The following PARD3B variants were observed in gnomAD, a reference collection of about 807,000 sequenced individuals.
PARD3B encodes par-3 family cell polarity regulator beta, also known as partitioning defective 3 homolog B.
PARD3B carries 103 observed loss-of-function variants against 130.2 expected under a neutral mutation model. That is an observed-to-expected ratio of 0.79 (90% CI 0.67 to 0.93). The LOEUF is 0.93. Ranked by LOEUF, PARD3B falls within the 40% of genes least tolerant of loss-of-function variation. The probability of loss-of-function intolerance (pLI) is 0.00; values close to 1 mark genes in which losing one functional copy is unlikely to be tolerated. For synonymous variants in PARD3B, 583 were observed against 553.2 expected (o/e 1.05, Z -0.76); for missense variants, 1,609 against 1,499.2 (o/e 1.07, Z -1.21).
intron 11 of PARD3B, among the ~76,000 whole-genome samples, chr2:205,166,567 C>T (rs1483099025): frequency 6.6e-6 from 1 of 152,120 alleles, no homozygotes; most frequent in Non-Finnish European, 1.5e-5. Flanking sequence ...TTCATTCTTG[C>T]CCTTCCATTG....
chr2:205,484,461 A>G (rs1175881849), intron 20 of PARD3B, among the ~76,000 whole-genome samples: 1 of 152,218 alleles, frequency 6.6e-6, no homozygotes, highest in Non-Finnish European at 1.5e-5. Flanking sequence ...ACTCGTGTCA[A>G]TTAATTGGGG....
At chr2:205,363,416 A>T (rs2044471065) in intron 18 of PARD3B, among the ~76,000 whole-genome samples, 1 of 152,220 alleles carries the variant, frequency 6.6e-6, no homozygotes, top group Non-Finnish European at 1.5e-5. Context: ...CCAAATAAAG[A>T]GAGTAAGATA....
rs1348743057 is a variant in PARD3B at position 205,587,256 on chromosome 2, T to C, written c.3261-28200T>C. On this transcript the variant is annotated intron_variant, in intron 22 of 22. Coordinates refer to ENST00000406610, the MANE Select transcript of PARD3B (RefSeq NM_001302769.2). ...CTGGTCATGAGGCAAATTGTTTCCA[T>C]TTCTTCGTAAGCCACAATTATATTT... Among the ~76,000 whole-genome samples the C allele has an allele frequency of 5.3e-5, 8 of 152,352 alleles. No individual in the cohort carries two copies. The South Asian group carries it at 1.4e-3, about 28-fold the overall frequency.
At chr2:204,815,896 C>T (rs1439742946) in intron 2 of PARD3B, among the ~76,000 whole-genome samples, 1 of 152,010 alleles carries the variant, frequency 6.6e-6, no homozygotes, top group Non-Finnish European at 1.5e-5. Flanking sequence ...TGAATGCTTT[C>T]AGTCTGTTGA....
At chr2:205,079,459 T>C (rs1334071712) in intron 4 of PARD3B, among the ~76,000 whole-genome samples, 1 of 152,130 alleles carries the variant, frequency 6.6e-6, no homozygotes, top group African/African-American at 2.4e-5. Flanking sequence ...TATCCTTACA[T>C]GACAGAAGGC....
At chr2:204,957,861 A>G (rs1043783957) in intron 2 of PARD3B, among the ~76,000 whole-genome samples, 2 of 152,152 alleles carry the variant, frequency 1.3e-5, no homozygotes, top group East Asian at 1.9e-4. Flanking sequence ...AATTGTGTTT[A>G]TTAAGATTTG....
At chr2:204,776,711 T>C (rs1223276135) in intron 2 of PARD3B, among the ~76,000 whole-genome samples, 1 of 151,950 alleles carries the variant, frequency 6.6e-6, no homozygotes, top group Admixed American at 6.6e-5. Context: ...ACTATTTGCC[T>C]GGGGTCTGGT....
chr2:205,341,190 A>G lies in PARD3B; in HGVS notation c.2630+39489A>G, dbSNP rs2043515315. ...ATTATGGGAAACAGTATAGTGGTTTAAAATCTATATTAAAATTAGGACTGC... is the reference window on the plus strand; with the variant it reads ...ATTATGGGAAACAGTATAGTGGTTTGAAATCTATATTAAAATTAGGACTGC... On this transcript the variant is annotated intron_variant, in intron 18 of 22. Coordinates refer to ENST00000406610, the MANE Select transcript of PARD3B (RefSeq NM_001302769.2). This position sits in a 1 kb window ranked among gnomAD's most constrained non-coding sequence, Gnocchi z 4.3. Among the ~76,000 whole-genome samples the G allele has an allele frequency of 6.6e-6, 1 of 152,122 alleles. No individual in the cohort carries two copies. Among genetic ancestry groups the G allele is most frequent in the Non-Finnish European group, 1.5e-5 (1 of 67,978 alleles).
Position 205,078,871 on chromosome 2 carries a change from A to G in PARD3B, c.505-25555A>G, listed in dbSNP as rs1701228577. 6.6e-6 allele frequency among the ~76,000 whole-genome samples: 1 copy of G among 152,190 alleles called. No homozygotes were observed. Among genetic ancestry groups the G allele is most frequent in the Non-Finnish European group, 1.5e-5 (1 of 68,032 alleles). ...TTTGCTAGAAAGGCCATGTGTAGGCAATCTAGTTGGCAGCCATGGCAGATC... is the reference window on the plus strand; with the variant it reads ...TTTGCTAGAAAGGCCATGTGTAGGCGATCTAGTTGGCAGCCATGGCAGATC... On this transcript the variant is annotated intron_variant, in intron 4 of 22. Coordinates refer to ENST00000406610, the MANE Select transcript of PARD3B (RefSeq NM_001302769.2). This position sits in a 1 kb window ranked among gnomAD's most constrained non-coding sequence, Gnocchi z 4.0.
At chr2:204,976,584 C>G (rs562732836) in intron 3 of PARD3B, among the ~76,000 whole-genome samples, 1 of 150,232 alleles carries the variant, frequency 6.7e-6, no homozygotes, top group South Asian at 2.1e-4. Flanking sequence ...TAAAAAAACT[C>G]CATGTATTTA....
At chr2:205,521,660 T>C (rs1329422646) in intron 21 of PARD3B, among the ~76,000 whole-genome samples, 1 of 152,162 alleles carries the variant, frequency 6.6e-6, no homozygotes, top group Non-Finnish European at 1.5e-5. Context: ...CTGTCTGTTT[T>C]GTCCTTTAGA....
At chr2:204,834,620 A>G (rs962124442) in intron 2 of PARD3B, among the ~76,000 whole-genome samples, 3 of 152,196 alleles carry the variant, frequency 2.0e-5, no homozygotes, top group African/African-American at 4.8e-5. Context: ...TCACTAGGAG[A>G]TCAAAACAGT....
chr2:205,089,297 A>G (rs1019151420), intron 4 of PARD3B, among the ~76,000 whole-genome samples: 2 of 151,688 alleles, frequency 1.3e-5, no homozygotes, highest in Non-Finnish European at 2.9e-5. Context: ...CAGCCTCCTG[A>G]GTAGCTGGGA....
intron 2 of PARD3B, among the ~76,000 whole-genome samples, chr2:204,746,160 T>A (rs1559110741): frequency 8.4e-6 from 1 of 118,952 alleles, no homozygotes; most frequent in Non-Finnish European, 1.6e-5. Flanking sequence ...GGCCCCAGTG[T>A]GTGATGTTCC....
chr2:205,031,253 C>T (rs937487444), intron 3 of PARD3B, among the ~76,000 whole-genome samples: 10 of 152,192 alleles, frequency 6.6e-5, no homozygotes, highest in African/African-American at 2.2e-4. Flanking sequence ...TCTGTGTGTG[C>T]GTTTTCCAAT....
intron 18 of PARD3B, among the ~76,000 whole-genome samples, chr2:205,344,187 A>C (rs1034093053): frequency 1.2e-5 from 1 of 82,656 alleles, no homozygotes; most frequent in South Asian, 6.0e-4. Context: ...GAAATGTGTC[A>C]GTTGGTTTGT....
Position 205,591,148 on chromosome 2 carries a change from C to A in PARD3B, c.3261-24308C>A, listed in dbSNP as rs1197848642. Among the ~76,000 whole-genome samples, 1 of 151,916 alleles carries A rather than the reference C, an allele frequency of 6.6e-6. No homozygotes were observed. Among genetic ancestry groups the A allele is most frequent in the Non-Finnish European group, 1.5e-5 (1 of 67,998 alleles). On this transcript the variant is annotated intron_variant, in intron 22 of 22. Coordinates refer to ENST00000406610, the MANE Select transcript of PARD3B (RefSeq NM_001302769.2). The surrounding 1 kb of genome is among the most constrained non-coding windows in gnomAD (Gnocchi z 4.2). ...TCAGAGAGGTGACATCAATGTAGACCCACCAAGGAGTAGCAGTTAGACATC... is the reference window on the plus strand; with the variant it reads ...TCAGAGAGGTGACATCAATGTAGACACACCAAGGAGTAGCAGTTAGACATC...
At chr2:205,134,184 G>T (rs2032266994) in intron 10 of PARD3B, among the ~76,000 whole-genome samples, 1 of 152,120 alleles carries the variant, frequency 6.6e-6, no homozygotes, top group African/African-American at 2.4e-5. Context: ...AAAGATGAAA[G>T]TGAGGTACAG....
intron 1 of PARD3B, among the ~76,000 whole-genome samples, chr2:204,575,915 G>A (rs1376272783): frequency 2.6e-5 from 4 of 152,122 alleles, no homozygotes; most frequent in African/African-American, 7.2e-5. Context: ...TTGCTCAGGC[G>A]GTTCTTGCCC....
Sources: allele counts gnomAD v4.1 joint callset (sites outside exome capture counted in the v4.1 genomes callset), GRCh38; gene constraint gnomAD v4.1.1; non-coding constraint Gnocchi (gnomAD v3.1); transcripts MANE v1.5; gene names NCBI Gene and HGNC (gene_info 2026-07-23, HGNC 2026-07-21).